Variants in PCDHGA10 observed in about 807,000 individuals in gnomAD.
PCDHGA10 encodes the protein protocadherin gamma-A10.
In PCDHGA10, 42 loss-of-function variants were observed where a neutral mutation model predicts 59.5. The observed-to-expected ratio is 0.71, with a 90% CI of 0.55 to 0.91. The LOEUF is 0.91. Ranked by LOEUF, PCDHGA10 falls within the 40% of genes least tolerant of loss-of-function variation. The pLI is 0.00. For missense variants in PCDHGA10, 1,111 were observed against 1,198.2 expected (o/e 0.93, Z 1.07); for synonymous variants, 511 against 517.2 (o/e 0.99, Z 0.16).
In PCDHGA10 at chr5:141,485,441, A is replaced by G. The variant is rs1562105312; in HGVS notation, c.2437-9366A>G. ...CGGAGCCCTGCTCATCAAGAACCCA[A>G]TCGACCGAGAGGCACTGTGTGGGCT... On this transcript the variant is annotated intron_variant, in intron 1 of 3. Transcript: ENST00000398610. The surrounding 1 kb of genome is among the most constrained non-coding windows in gnomAD (Gnocchi z 5.7). 3 of 1,613,910 alleles carry G rather than the reference A, an allele frequency of 1.9e-6. No homozygotes were observed. Among genetic ancestry groups the G allele is most frequent in the South Asian group, 1.1e-5 (1 of 91,062 alleles).
Position 141,432,248 on chromosome 5 carries a change from C to T in PCDHGA10, c.2436+16637C>T. Reference sequence around the variant, plus strand: ...TTATTCCCTGGCTGAGAACACCATCCAAGGGGCAAGCCTATCGTCCTACGT... The same window carrying T: ...TTATTCCCTGGCTGAGAACACCATCTAAGGGGCAAGCCTATCGTCCTACGT... On this transcript the variant is annotated intron_variant, in intron 1 of 3. Transcript: ENST00000398610. This position sits in a 1 kb window ranked among gnomAD's most constrained non-coding sequence, Gnocchi z 6.0. 1.2e-6 allele frequency: 2 copies of T among 1,614,244 alleles called. No individual in the cohort carries two copies. Among genetic ancestry groups the T allele is most frequent in the South Asian group, 1.1e-5 (1 of 91,090 alleles).
chr5:141,493,962 T>C lies in PCDHGA10; in HGVS notation c.2437-845T>C, dbSNP rs550317675. 6.6e-6 allele frequency among the ~76,000 whole-genome samples: 1 copy of C among 152,320 alleles called. No homozygotes were observed. Among genetic ancestry groups the C allele is most frequent in the African/African-American group, 2.4e-5 (1 of 41,578 alleles). ...AGAAGGGACTCAGGAATGAAGTGGC[T>C]GGCCAGAGCCCCACACCTTCAGCTA... is the stretch of plus-strand genomic sequence containing the variant. On this transcript the variant is annotated intron_variant, in intron 1 of 3. Coordinates refer to ENST00000398610, the MANE Select transcript of PCDHGA10 (RefSeq NM_018913.3). This position sits in a 1 kb window ranked among gnomAD's most constrained non-coding sequence, Gnocchi z 4.3.
chr5:141,441,665 A>C (rs994092543), intron 1 of PCDHGA10: 10 of 265,838 alleles, frequency 3.8e-5, no homozygotes, highest in African/African-American at 2.1e-4. Context: ...CCTTGAGCGC[A>C]CAGTGCGCCT....
Position 141,477,653 on chromosome 5 carries a change from A to C in PCDHGA10, c.2437-17154A>C. ...GCTAGTGGGTCGCTATTTCACAATA[A>C]ATCGTGACAATGGCATAGTGTCATC... On this transcript the variant is annotated intron_variant, in intron 1 of 3. Transcript: ENST00000398610. The surrounding 1 kb of genome is among the most constrained non-coding windows in gnomAD (Gnocchi z 4.9). The C allele has an allele frequency of 1.2e-6, 2 of 1,614,204 alleles. No individual in the cohort carries two copies. Among genetic ancestry groups the C allele is most frequent in the Non-Finnish European group, 1.7e-6 (2 of 1,180,036 alleles).
intron 2 of PCDHGA10, among the ~76,000 whole-genome samples, chr5:141,501,719 T>C (rs1024307894): frequency 6.6e-6 from 1 of 152,028 alleles, no homozygotes; most frequent in African/African-American, 2.4e-5. Context: ...AAAAGACAAA[T>C]ATATTACCCA....
At position 141,477,115 on chromosome 5, in the gene PCDHGA10, A is replaced by T. The variant is rs1218111107; in HGVS notation, c.2437-17692A>T. On this transcript the variant is annotated intron_variant, in intron 1 of 3. Coordinates refer to ENST00000398610, the MANE Select transcript of PCDHGA10 (RefSeq NM_018913.3). The surrounding 1 kb of genome is among the most constrained non-coding windows in gnomAD (Gnocchi z 4.9). Reference sequence around the variant, plus strand: ...AAGACAAGGGCGCCAATCCCGAAGGAGCACATTGCAAAGTGTTGGTGGAGG... The same window carrying T: ...AAGACAAGGGCGCCAATCCCGAAGGTGCACATTGCAAAGTGTTGGTGGAGG... The T allele has an allele frequency of 6.2e-7, 1 of 1,614,230 alleles. No individual in the cohort carries two copies. Among genetic ancestry groups the T allele is most frequent in the Non-Finnish European group, 8.5e-7 (1 of 1,180,038 alleles).
Position 141,414,517 on chromosome 5 carries a change from G to C in PCDHGA10, c.1342G>C (p.Asp448His). ...TEAHFMLQVA[D>H]INDNPPTFSQ... Reference sequence around the variant, plus strand: ...AGCTCACTTTATGCTACAAGTGGCAGATATCAATGACAACCCACCTACCTT... The same window carrying C: ...AGCTCACTTTATGCTACAAGTGGCACATATCAATGACAACCCACCTACCTT... Residue 448 changes from aspartate (D) to histidine (H), a missense_variant, in exon 1 of 4, where the codon GAT (aspartate) becomes CAT (histidine). Coordinates refer to ENST00000398610, the MANE Select transcript of PCDHGA10 (RefSeq NM_018913.3). The C allele has an allele frequency of 6.2e-7, 1 of 1,613,964 alleles. No homozygotes were observed. Among genetic ancestry groups the C allele is most frequent in the South Asian group, 1.1e-5 (1 of 91,086 alleles).
In PCDHGA10 at chr5:141,414,868, G is replaced by C; in HGVS notation, c.1693G>C (p.Glu565Gln). 6.2e-7 allele frequency: 1 copy of C among 1,614,216 alleles called. No individual in the cohort carries two copies. The highest frequency in any genetic ancestry group is 8.5e-7 in the Non-Finnish European group (1 of 1,180,042). Reference sequence around the variant, plus strand: ...GCTGGACCAGAACGACAATGCGCCCGAGATCCTGTACCCCGCCCTCCCCAC... The same window carrying C: ...GCTGGACCAGAACGACAATGCGCCCCAGATCCTGTACCCCGCCCTCCCCAC... ...FVLDQNDNAP[E>Q]ILYPALPTDG... Residue 565 changes from glutamate to glutamine, a missense_variant, in exon 1 of 4, where the codon GAG (glutamate) becomes CAG (glutamine). Transcript: ENST00000398610.
At chr5:141,421,267 C>T in intron 1 of PCDHGA10, 1 of 1,611,374 alleles carries the variant, frequency 6.2e-7, no homozygotes, top group Non-Finnish European at 8.5e-7. Flanking sequence ...CAGTCGGCTG[C>T]TGCTGCTGCT....
chr5:141,503,164 C>G (rs1262310388), intron 2 of PCDHGA10, among the ~76,000 whole-genome samples: 2 of 152,068 alleles, frequency 1.3e-5, no homozygotes, highest in East Asian at 3.9e-4. Flanking sequence ...ATCACAATTG[C>G]AATTACTCTA....
Position 141,413,463 on chromosome 5 carries a change from G to A in PCDHGA10, c.288G>A (p.Arg96=). The change falls in exon 1 of 4, where the codon CGG becomes CGA. Residue 96 remains arginine (R), a synonymous_variant. Transcript: ENST00000398610. ...GSLITAGRID[R]EELCAQSARC... is the part of the protein sequence containing the mutation. ...TGATCACCGCGGGCAGGATAGACCG[G>A]GAGGAGCTCTGCGCTCAGAGCGCGC... 6.2e-7 allele frequency: 1 copy of A among 1,614,128 alleles called. No homozygotes were observed. The highest frequency in any genetic ancestry group is 1.3e-5 in the African/African-American group (1 of 75,070).
At chr5:141,419,413 C>T (rs568417008) in intron 1 of PCDHGA10, 4 of 1,613,444 alleles carry the variant, frequency 2.5e-6, no homozygotes, top group African/African-American at 1.3e-5. Flanking sequence ...TCGCGCAGCG[C>T]GCCTTCGACC....
chr5:141,421,469 G>T (rs767500900), intron 1 of PCDHGA10: 1 of 1,614,122 alleles, frequency 6.2e-7, no homozygotes, highest in South Asian at 1.1e-5. Flanking sequence ...GTGAATCCGC[G>T]AAGCGGCAGC....
At chr5:141,452,858 T>C (rs904455495) in intron 1 of PCDHGA10, among the ~76,000 whole-genome samples, 1 of 152,202 alleles carries the variant, frequency 6.6e-6, no homozygotes. Flanking sequence ...GGGGAGATGA[T>C]TTTCTAACTC....
intron 1 of PCDHGA10, among the ~76,000 whole-genome samples, chr5:141,425,078 G>A (rs1196415752): frequency 3.9e-5 from 6 of 152,112 alleles, no homozygotes; most frequent in Admixed American, 6.5e-5. Flanking sequence ...AATTTCAACT[G>A]TAGGAAAGGC....
Position 141,415,589 on chromosome 5 carries a change from T to A in PCDHGA10, c.2414T>A (p.Ile805Lys). 6.2e-7 allele frequency: 1 copy of A among 1,614,062 alleles called. No individual in the cohort carries two copies. The highest frequency in any genetic ancestry group is 2.2e-5 in the East Asian group (1 of 44,878). The change falls in exon 1 of 4, where the codon ATA (isoleucine) becomes AAA (lysine). Residue 805 changes from isoleucine to lysine, a missense_variant. By Grantham distance (102) the Ile-to-Lys change is moderately radical. Transcript: ENST00000398610. Reference sequence around the variant, plus strand: ...TTGTTAGATGATTCGAAGTTTCCTATAGAGGATACCCCATTGGTTCCAGTG... The same window carrying A: ...TTGTTAGATGATTCGAAGTTTCCTAAAGAGGATACCCCATTGGTTCCAGTG... Reference protein sequence around the residue: ...LSLLDDSKFPIEDTPLVPQAP... With the variant: ...LSLLDDSKFPKEDTPLVPQAP...
chr5:141,438,581 TAC>T (rs2097976954), intron 1 of PCDHGA10, among the ~76,000 whole-genome samples: 6 of 49,834 alleles, frequency 1.2e-4, no homozygotes, highest in African/African-American at 7.2e-4. Flanking sequence ...TATACATACA[TAC>T]ATACATACAT....
At chr5:141,453,807 A>G (rs752553367) in intron 1 of PCDHGA10, among the ~76,000 whole-genome samples, 3 of 152,250 alleles carry the variant, frequency 2.0e-5, no homozygotes, top group Non-Finnish European at 4.4e-5. Flanking sequence ...GAGTAGTTCC[A>G]TAAAGGACAA....
rs749937052 is a variant in PCDHGA10, at chr5:141,490,441, G to A, written c.2437-4366G>A. ...CCTGCCATTTCAGATTAAGCCTTCT[G>A]AGAACCACTACTCGCTGCTAACCAG... On this transcript the variant is annotated intron_variant, in intron 1 of 3. Coordinates refer to ENST00000398610, the MANE Select transcript of PCDHGA10 (RefSeq NM_018913.3). The surrounding 1 kb of genome is among the most constrained non-coding windows in gnomAD (Gnocchi z 5.4). The A allele has an allele frequency of 9.3e-6, 15 of 1,614,208 alleles. No homozygotes were observed. The highest frequency in any genetic ancestry group is 1.2e-5 in the Non-Finnish European group (14 of 1,180,042).
Sources: gnomAD v4.1 joint callset for allele counts (sites outside exome capture counted in the v4.1 genomes callset) on GRCh38, gnomAD v4.1.1 for gene constraint, Gnocchi (gnomAD v3.1) non-coding constraint, MANE v1.5 for transcripts, NCBI Gene and HGNC (gene_info 2026-07-23, HGNC 2026-07-21) for gene names.